The following TLN2 variants were observed in gnomAD, a reference collection of about 807,000 sequenced individuals.
TLN2 encodes talin-2.
In TLN2, 118 loss-of-function variants were observed where a neutral mutation model predicts 294.7. The ratio of observed to expected loss-of-function variants is 0.40; its 90% CI spans 0.34 to 0.47. TLN2 has a LOEUF of 0.47. TLN2 is among the 20% of genes least tolerant of loss of function. TLN2 has a pLI of 0.84. For missense variants in TLN2, 3,083 were observed against 3,282.2 expected, an observed-to-expected ratio of 0.94 and a Z score of 1.48; for synonymous variants, 1,431 against 1,304.5, an observed-to-expected ratio of 1.10 and a Z score of -2.09.
chr15:62,786,163 A>G (rs956292817), intron 45 of TLN2, among the ~76,000 whole-genome samples: 1 of 152,188 alleles, frequency 6.6e-6, no homozygotes, highest in Non-Finnish European at 1.5e-5. Context: ...AGGTTAGGAG[A>G]TCCCTGAAGC....
intron 32 of TLN2, among the ~76,000 whole-genome samples, chr15:62,745,390 C>A (rs1387682014): frequency 6.6e-6 from 1 of 151,206 alleles, no homozygotes; most frequent in Admixed American, 6.6e-5. Flanking sequence ...AGAACAGAGA[C>A]CCTTCTAATT....
intron 43 of TLN2, among the ~76,000 whole-genome samples, chr15:62,780,808 G>A (rs530080224): frequency 1.3e-5 from 2 of 152,220 alleles, no homozygotes; most frequent in East Asian, 1.9e-4. Flanking sequence ...CTCCATGTAC[G>A]TGAATTCTGT....
At chr15:62,660,543 C>CT (rs1163259837) in intron 9 of TLN2, among the ~76,000 whole-genome samples, 1 of 152,202 alleles carries the variant, frequency 6.6e-6, no homozygotes, top group Non-Finnish European at 1.5e-5. Context: ...TCAAAGGGTC[C>CT]TAAGAAGGGA....
intron 1 of TLN2, among the ~76,000 whole-genome samples, chr15:62,517,408 T>C (rs909072620): frequency 6.6e-6 from 1 of 152,230 alleles, no homozygotes; most frequent in Non-Finnish European, 1.5e-5. Context: ...TAAATCCTTA[T>C]AGATACAAAC....
intron 1 of TLN2, among the ~76,000 whole-genome samples, chr15:62,542,929 G>A (rs1321553712): frequency 6.6e-6 from 1 of 152,150 alleles, no homozygotes; most frequent in East Asian, 1.9e-4. Flanking sequence ...CTCAAGTCAT[G>A]TGTTTGCCTT....
chr15:62,472,866 G>A (rs943877440), intron 1 of TLN2, among the ~76,000 whole-genome samples: 1 of 152,234 alleles, frequency 6.6e-6, no homozygotes, highest in Non-Finnish European at 1.5e-5. Context: ...GTGCTTGGAG[G>A]AGGAGAGGCA....
At chr15:62,547,843 T>A (rs16945264) in intron 1 of TLN2, among the ~76,000 whole-genome samples, 2,669 of 152,286 alleles carry the variant, frequency 0.018, 78 homozygotes, top group African/African-American at 0.06. Flanking sequence ...TGGCCAATTG[T>A]GTGATGTTGG....
Position 62,716,461 on chromosome 15 carries a change from T to C in TLN2, c.2763+2T>C, listed in dbSNP as rs1445576456. 1 of 1,597,750 alleles carries C rather than the reference T, an allele frequency of 6.3e-7. No individual in the cohort carries two copies. The highest frequency in any genetic ancestry group is 1.8e-5 in the Admixed American group (1 of 56,322). On this transcript the variant is annotated splice_donor_variant, in intron 23 of 58. Coordinates refer to ENST00000636159, the MANE Select transcript of TLN2 (RefSeq NM_015059.3). LOFTEE classifies it high-confidence loss of function. Reference sequence around the variant, plus strand: ...AAAAAAATTGTCAACCGACTGGAGGTAAGGAAAGAGGCTGCCTTTCTGGGA... The same window carrying C: ...AAAAAAATTGTCAACCGACTGGAGGCAAGGAAAGAGGCTGCCTTTCTGGGA...
At chr15:62,812,236 A>G (rs1212921564) in intron 52 of TLN2, among the ~76,000 whole-genome samples, 1 of 151,980 alleles carries the variant, frequency 6.6e-6, no homozygotes, top group Non-Finnish European at 1.5e-5. Flanking sequence ...AAGGGAGGAG[A>G]TACAGGGATC....
chr15:62,551,991 T>C (rs1567088593), intron 1 of TLN2, among the ~76,000 whole-genome samples: 1 of 152,228 alleles, frequency 6.6e-6, no homozygotes, highest in Admixed American at 6.5e-5. Flanking sequence ...AGACAAAACA[T>C]TGACTTTATT....
At chr15:62,480,485 A>G (rs1289929321) in intron 1 of TLN2, among the ~76,000 whole-genome samples, 1 of 152,212 alleles carries the variant, frequency 6.6e-6, no homozygotes, top group Non-Finnish European at 1.5e-5. Context: ...TCGGCCTCCC[A>G]AAGTGCTGGG....
chr15:62,653,036 C>A, intron 6 of TLN2, 126 bp from the exon 7 acceptor site: 1 of 696,276 alleles, frequency 1.4e-6, no homozygotes, highest in Non-Finnish European at 2.2e-6. Context: ...CCCTGACCCT[C>A]ATATTTGTAA....
At chr15:62,557,007 A>G (rs1469664408) in intron 1 of TLN2, among the ~76,000 whole-genome samples, 1 of 152,186 alleles carries the variant, frequency 6.6e-6, no homozygotes, top group African/African-American at 2.4e-5. Context: ...TTTATGATTG[A>G]TCAAAAACAG....
chr15:62,469,565 A>G (rs964555455), intron 1 of TLN2, among the ~76,000 whole-genome samples: 3 of 152,184 alleles, frequency 2.0e-5, no homozygotes, highest in Non-Finnish European at 2.9e-5. Flanking sequence ...GCCTGAATGG[A>G]TGGAGCAATG....
intron 50 of TLN2, among the ~76,000 whole-genome samples, chr15:62,801,343 A>G (rs115191120): frequency 1.9e-3 from 283 of 152,288 alleles, no homozygotes; most frequent in African/African-American, 6.4e-3. Context: ...GAGTTACTGC[A>G]ATGTGGATGA....
intron 1 of TLN2, among the ~76,000 whole-genome samples, chr15:62,465,799 A>T (rs2037101587): frequency 6.6e-6 from 1 of 151,544 alleles, no homozygotes; most frequent in African/African-American, 2.4e-5. Context: ...ATTGTAAAGC[A>T]TTTTTTTTTC....
At chr15:62,593,458 G>T (rs1390858932) in intron 2 of TLN2, among the ~76,000 whole-genome samples, 1 of 152,158 alleles carries the variant, frequency 6.6e-6, no homozygotes, top group Non-Finnish European at 1.5e-5. Flanking sequence ...GTATAATAGG[G>T]TATGCTGTTT....
chr15:62,646,017 A>G (rs962308518), intron 3 of TLN2, among the ~76,000 whole-genome samples: 1 of 152,214 alleles, frequency 6.6e-6, no homozygotes, highest in Non-Finnish European at 1.5e-5. Context: ...GAAATAGAGC[A>G]GGCACTGGAA....
chr15:62,449,106 T>A (rs77743709), intron 1 of TLN2, among the ~76,000 whole-genome samples: 2,557 of 152,234 alleles, frequency 0.017, 30 homozygotes, highest in Non-Finnish European at 0.025. Context: ...GCAGGAGACA[T>A]AACGTGTCAG....
Sources: allele counts gnomAD v4.1 joint callset (sites outside exome capture counted in the v4.1 genomes callset), GRCh38; gene constraint gnomAD v4.1.1; transcripts MANE v1.5; gene names NCBI Gene and HGNC (gene_info 2026-07-23, HGNC 2026-07-21).